The following PFKFB3 variants were observed in gnomAD, a reference collection of about 807,000 sequenced individuals.
PFKFB3 encodes 6-phosphofructo-2-kinase/fructose-2,6-bisphosphatase 3.
PFKFB3 carries 33 observed loss-of-function variants against 68.0 expected under a neutral mutation model. The ratio of observed to expected loss-of-function variants is 0.49; its 90% confidence interval spans 0.37 to 0.65. PFKFB3 has a LOEUF of 0.65. Ranked by LOEUF, PFKFB3 falls within the 30% of genes least tolerant of loss-of-function variation. PFKFB3 has a pLI of 0.00. For missense variants in PFKFB3, 586 were observed against 712.2 expected (o/e 0.82, Z 2.02); for synonymous variants, 315 against 288.2 (o/e 1.09, Z -0.94).
At chr10:6,161,768 G>T (rs1416444198) in intron 1 of PFKFB3, among the ~76,000 whole-genome samples, 1 of 152,162 alleles carries the variant, frequency 6.6e-6, no homozygotes, top group Non-Finnish European at 1.5e-5. Context: ...GAGTGGGTGG[G>T]ATTACAGGAG....
At chr10:6,205,540 A>T (rs1044365791) in intron 1 of PFKFB3, among the ~76,000 whole-genome samples, 17 of 151,590 alleles carry the variant, frequency 1.1e-4, no homozygotes, top group African/African-American at 3.6e-4. Flanking sequence ...TTACAGGCGC[A>T]CGCCGCCATG....
intron 1 of PFKFB3, among the ~76,000 whole-genome samples, chr10:6,212,020 G>A (rs2516618): frequency 0.21 from 31,615 of 152,206 alleles, 3,576 homozygotes; most frequent in African/African-American, 0.29. Flanking sequence ...GGTGGCTCCC[G>A]CAGCATAAGC....
At position 6,228,954 on chromosome 10, in the gene PFKFB3, T is replaced by C. The variant is rs554975908; in HGVS notation, c.1515+2589T>C. 8.3e-4 allele frequency among the ~76,000 whole-genome samples: 126 copies of C among 152,342 alleles called. 2 individuals carry two copies. The South Asian group carries it at 0.025, about 30-fold the overall frequency. ...TGGGTAGCTGGGGCTGTGTTCCCACTGCTCTGGGATCCCTTCCCCACCAGG... is the reference window on the plus strand; with the variant it reads ...TGGGTAGCTGGGGCTGTGTTCCCACCGCTCTGGGATCCCTTCCCCACCAGG... On this transcript the variant is annotated intron_variant, in intron 14 of 14. Transcript: ENST00000379775. The surrounding 1 kb of genome is among the most constrained non-coding windows in gnomAD (Gnocchi z 4.5).
chr10:6,314,403 T>G, the PFKFB3 span, among the ~76,000 whole-genome samples: 2 of 152,238 alleles, frequency 1.3e-5, no homozygotes, highest in African/African-American at 4.8e-5. Context: ...GATCTTTTCT[T>G]TGTCTCTGTC....
the PFKFB3 span, among the ~76,000 whole-genome samples, chr10:6,301,711 C>A: frequency 6.6e-6 from 1 of 152,202 alleles, no homozygotes; most frequent in Non-Finnish European, 1.5e-5. Context: ...GTGTGGGGAT[C>A]GCCAAGTGTG....
chr10:6,200,659 C>CGGGGGGGGGGG (rs57019530), upstream of PFKFB3, among the ~76,000 whole-genome samples: 10 of 68,966 alleles, frequency 1.4e-4, no homozygotes, highest in Non-Finnish European at 2.1e-4. Context: ...ATGTAAGGAG[C>CGGGGGGGGGGG]GGGGGGGGGG....
intron 1 of PFKFB3, among the ~76,000 whole-genome samples, chr10:6,188,254 A>T (rs1233686771): frequency 6.6e-6 from 1 of 151,940 alleles, no homozygotes; most frequent in Non-Finnish European, 1.5e-5. Context: ...ATCAACACTG[A>T]TACAGTTCTG....
the PFKFB3 span, among the ~76,000 whole-genome samples, chr10:6,312,340 G>T: frequency 6.6e-6 from 1 of 151,968 alleles, no homozygotes; most frequent in Non-Finnish European, 1.5e-5. Flanking sequence ...TTTTTGCCTG[G>T]GCTCTTTCTA....
intron 1 of PFKFB3, chr10:6,145,081 AC>A (rs1340418333): frequency 9.8e-6 from 12 of 1,230,332 alleles, no homozygotes; most frequent in Non-Finnish European, 1.2e-5. Context: ...GCCTGTGGGT[AC>A]CCGAGCCTTG....
At chr10:6,252,291 C>A (rs1261316595) in intron 14 of PFKFB3, among the ~76,000 whole-genome samples, 1 of 152,162 alleles carries the variant, frequency 6.6e-6, no homozygotes, top group Non-Finnish European at 1.5e-5. Context: ...AATAGATACC[C>A]AGAACTTTCT....
chr10:6,209,963 G>T (rs142689866), intron 1 of PFKFB3, among the ~76,000 whole-genome samples: 2 of 151,408 alleles, frequency 1.3e-5, no homozygotes, highest in East Asian at 3.9e-4. Flanking sequence ...ATGGGGTTTC[G>T]CTGTGGTCTC....
intron 1 of PFKFB3, chr10:6,146,266 C>T: frequency 6.8e-7 from 1 of 1,470,126 alleles, no homozygotes; most frequent in Non-Finnish European, 9.0e-7. Context: ...GCTACGGTTG[C>T]CTGGAGGCTG....
the PFKFB3 span, among the ~76,000 whole-genome samples, chr10:6,274,720 C>G: frequency 6.6e-6 from 1 of 151,994 alleles, no homozygotes; most frequent in Non-Finnish European, 1.5e-5. Context: ...GCCTATAGTC[C>G]GAGCAACTTG....
rs1446589943 is a variant in PFKFB3, at chr10:6,219,604, C to T, written c.534C>T (p.Cys178=). The change falls in exon 7 of 15, where the codon TGC becomes TGT. Residue 178 remains cysteine, a synonymous_variant. Coordinates refer to ENST00000379775, the MANE Select transcript of PFKFB3 (RefSeq NM_004566.4). The stretch of plus-strand genomic sequence containing the variant: ...TCTCCAGCCCGGATTACAAAGACTG[C>T]AACTCGGCAGAAGCCATGGACGACT... The part of the protein sequence containing the change: ...VKISSPDYKD[C]NSAEAMDDFM... The T allele has an allele frequency of 6.2e-7, 1 of 1,613,876 alleles. No individual in the cohort carries two copies. Among genetic ancestry groups the T allele is most frequent in the Non-Finnish European group, 8.5e-7 (1 of 1,179,818 alleles).
the PFKFB3 span, among the ~76,000 whole-genome samples, chr10:6,321,693 A>G: frequency 6.6e-6 from 1 of 152,288 alleles, no homozygotes; most frequent in Admixed American, 6.5e-5. Context: ...GGTTGAACCC[A>G]ATGATCTACT....
chr10:6,294,095 C>T, the PFKFB3 span: 20 of 494,590 alleles, frequency 4.0e-5, no homozygotes, highest in East Asian at 3.3e-4. Context: ...CCTGAATTGG[C>T]GCACCAGAAA....
chr10:6,202,442 G>C (rs1843401851), upstream of PFKFB3: 1 of 152,364 alleles, frequency 6.6e-6, no homozygotes, highest in South Asian at 2.1e-4. Flanking sequence ...GTCCTTACCT[G>C]GACTGCGCCT....
At chr10:6,145,118 G>C (rs1841334252) in intron 1 of PFKFB3, 1 of 943,418 alleles carries the variant, frequency 1.1e-6, no homozygotes, top group African/African-American at 1.7e-5. Context: ...CGGAAGCACT[G>C]TGCACCCGGG....
At chr10:6,148,883 G>C (rs1339558486) in intron 1 of PFKFB3, among the ~76,000 whole-genome samples, 1 of 151,992 alleles carries the variant, frequency 6.6e-6, no homozygotes, top group Non-Finnish European at 1.5e-5. Context: ...TTTGAGACCA[G>C]GCTAGACAAC....
Sources: allele counts gnomAD v4.1 joint callset (sites outside exome capture counted in the v4.1 genomes callset), GRCh38; gene constraint gnomAD v4.1.1; non-coding constraint Gnocchi (gnomAD v3.1); transcripts MANE v1.5; gene names NCBI Gene and HGNC (gene_info 2026-07-23, HGNC 2026-07-21).